The following SPON1 variants were observed in gnomAD, a reference collection of about 807,000 sequenced individuals.
SPON1 encodes spondin-1.
SPON1 carries 52 observed loss-of-function variants against 111.7 expected under a neutral mutation model. The observed-to-expected ratio is 0.47, with a 90% CI of 0.37 to 0.59. SPON1 has a LOEUF of 0.59. SPON1 is among the 20% of genes least tolerant of loss of function. SPON1 has a pLI of 0.00. For missense variants in SPON1, 957 were observed against 1,068.5 expected, an observed-to-expected ratio of 0.90 and a Z score of 1.46; for synonymous variants, 410 against 395.8, an observed-to-expected ratio of 1.04 and a Z score of -0.43.
At chr11:14,147,332 C>G (rs943716145) in intron 6 of SPON1, among the ~76,000 whole-genome samples, 3 of 152,026 alleles carry the variant, frequency 2.0e-5, no homozygotes, top group Admixed American at 2.0e-4. Context: ...CTGCGCCTGG[C>G]TGGAACCATT....
intron 2 of SPON1, among the ~76,000 whole-genome samples, chr11:14,018,260 G>A (rs550259849): frequency 1.3e-5 from 2 of 152,276 alleles, no homozygotes; most frequent in African/African-American, 4.8e-5. Context: ...TCTCAACTCT[G>A]CAGGAAGCCC....
At position 14,265,701 on chromosome 11, in the gene SPON1, T is replaced by C. The variant is rs377203794; in HGVS notation, c.*14T>C. On this transcript the variant is annotated 3_prime_UTR_variant, in exon 16 of 16. Transcript: ENST00000576479. ...CATCCTTGTTAGCAAGGGTACGAGTTCCCCAGGGCTGCACTCTAGATTCCA... is the reference window on the plus strand; with the variant it reads ...CATCCTTGTTAGCAAGGGTACGAGTCCCCCAGGGCTGCACTCTAGATTCCA... 6.2e-7 allele frequency: 1 copy of C among 1,611,370 alleles called. No individual in the cohort carries two copies. Among genetic ancestry groups the C allele is most frequent in the Non-Finnish European group, 8.5e-7 (1 of 1,178,796 alleles).
intron 6 of SPON1, among the ~76,000 whole-genome samples, chr11:14,137,966 TA>T (rs1336157561): frequency 6.6e-6 from 1 of 152,240 alleles, no homozygotes; most frequent in Non-Finnish European, 1.5e-5. Context: ...ACAATTGATT[TA>T]TTTTTTTGTA....
intron 2 of SPON1, among the ~76,000 whole-genome samples, chr11:14,039,103 A>G (rs75939522): frequency 0.011 from 1,695 of 152,320 alleles, 31 homozygotes; most frequent in African/African-American, 0.039. Context: ...TGGAAAAGCT[A>G]CATACTGTAT....
chr11:14,211,084 G>A (rs755918474), intron 6 of SPON1, among the ~76,000 whole-genome samples: 1 of 152,040 alleles, frequency 6.6e-6, no homozygotes, highest in Non-Finnish European at 1.5e-5. Flanking sequence ...TTGGCTATAC[G>A]GGCTCTTTTT....
At chr11:14,051,371 CA>C (rs1190658740) in intron 3 of SPON1, among the ~76,000 whole-genome samples, 1 of 151,942 alleles carries the variant, frequency 6.6e-6, no homozygotes, top group African/African-American at 2.4e-5. Flanking sequence ...CTTGTCTCTA[CA>C]AAAAATAAAC....
intron 3 of SPON1, among the ~76,000 whole-genome samples, chr11:14,052,574 A>G (rs554539987): frequency 6.6e-5 from 10 of 152,352 alleles, no homozygotes; most frequent in Non-Finnish European, 8.8e-5. Flanking sequence ...TGAACCAGCT[A>G]AAGTGTCAGA....
At chr11:14,131,115 A>G (rs1453339069) in intron 5 of SPON1, among the ~76,000 whole-genome samples, 6 of 152,040 alleles carry the variant, frequency 3.9e-5, no homozygotes, top group African/African-American at 1.2e-4. Context: ...ACCCACCACA[A>G]CCTAGCCCTG....
At chr11:13,972,037 G>A (rs1848067079) in intron 1 of SPON1, among the ~76,000 whole-genome samples, 1 of 152,206 alleles carries the variant, frequency 6.6e-6, no homozygotes, top group African/African-American at 2.4e-5. Flanking sequence ...GTCAGCCCTT[G>A]AGATGTTTGT....
intron 1 of SPON1, among the ~76,000 whole-genome samples, chr11:13,976,588 T>C (rs1321100487): frequency 1.3e-5 from 2 of 152,238 alleles, no homozygotes; most frequent in South Asian, 2.1e-4. Flanking sequence ...CCTACAGGAA[T>C]GCAGTATTAT....
At chr11:14,063,643 G>T (rs1554920106) in intron 3 of SPON1, among the ~76,000 whole-genome samples, 1 of 152,128 alleles carries the variant, frequency 6.6e-6, no homozygotes, top group African/African-American at 2.4e-5. Context: ...CTACAAGAGG[G>T]GCACAGACAT....
At position 14,259,313 on chromosome 11, in the gene SPON1, C is replaced by A. The variant is rs1554941609; in HGVS notation, c.1526C>A (p.Thr509Asn). ...ACCTGCACCATGTCCGAGTGGATCA[C>A]CTGGTCGCCCTGCAGCATCTCCTGC... ...GSTCTMSEWITWSPCSISCGM... is the reference protein window; with the variant it reads ...GSTCTMSEWINWSPCSISCGM... The change falls in exon 12 of 16, where the codon ACC becomes AAC. Residue 509 changes from threonine (T) to asparagine (N), a missense_variant. Physicochemically the swap from Thr to Asn is moderately conservative, Grantham distance 65. Around this residue, in one of 5 missense-constraint regions of SPON1, gnomAD observed 549 missense variants for 606.2 expected, o/e 0.91. Transcript: ENST00000576479. The surrounding 1 kb of genome is among the most constrained non-coding windows in gnomAD (Gnocchi z 5.0). The A allele has an allele frequency of 1.2e-6, 2 of 1,612,842 alleles. No individual in the cohort carries two copies. Among genetic ancestry groups the A allele is most frequent in the Admixed American group, 1.7e-5 (1 of 59,902 alleles).
chr11:14,185,782 A>G (rs576949307), intron 6 of SPON1, among the ~76,000 whole-genome samples: 1 of 152,252 alleles, frequency 6.6e-6, no homozygotes, highest in Admixed American at 6.5e-5. Flanking sequence ...TCTGAACCCA[A>G]GATGAGCAGC....
At chr11:14,195,668 A>C (rs1376812966) in intron 6 of SPON1, among the ~76,000 whole-genome samples, 1 of 152,210 alleles carries the variant, frequency 6.6e-6, no homozygotes, top group African/African-American at 2.4e-5. Flanking sequence ...CTCAGAGTTC[A>C]TGGCATGCAG....
chr11:14,105,902 A>G (rs1421741389), intron 5 of SPON1, among the ~76,000 whole-genome samples: 1 of 152,200 alleles, frequency 6.6e-6, no homozygotes, highest in Non-Finnish European at 1.5e-5. Context: ...ATTAAATATT[A>G]CTTTCCTTAT....
chr11:13,973,579 G>A (rs782307746), intron 1 of SPON1, among the ~76,000 whole-genome samples: 1 of 152,174 alleles, frequency 6.6e-6, no homozygotes, highest in Non-Finnish European at 1.5e-5. Context: ...GTGCTTCATT[G>A]CATTATCTCC....
chr11:14,143,136 G>C (rs182806579), intron 6 of SPON1, among the ~76,000 whole-genome samples: 2 of 152,318 alleles, frequency 1.3e-5, no homozygotes, highest in Admixed American at 1.3e-4. Flanking sequence ...TTGATCACTG[G>C]ATAGCCTGGG....
intron 6 of SPON1, among the ~76,000 whole-genome samples, chr11:14,192,946 C>A (rs1382313385): frequency 1.3e-5 from 2 of 152,130 alleles, no homozygotes; most frequent in African/African-American, 4.8e-5. Context: ...TGCAGGCATC[C>A]AAACTGGTGT....
At chr11:13,986,810 G>A (rs533308822) in intron 2 of SPON1, among the ~76,000 whole-genome samples, 1 of 151,882 alleles carries the variant, frequency 6.6e-6, no homozygotes, top group East Asian at 1.9e-4. Flanking sequence ...GTGAACATGC[G>A]GTGTTTGGTT....
Sources: gnomAD v4.1 joint callset for allele counts (sites outside exome capture counted in the v4.1 genomes callset) on GRCh38, gnomAD v4.1.1 for gene constraint, gnomAD v4.1.1 regional missense constraint, Gnocchi (gnomAD v3.1) non-coding constraint, MANE v1.5 for transcripts, NCBI Gene and HGNC (gene_info 2026-07-23, HGNC 2026-07-21) for gene names.